ZNF609: variants seen among roughly 807,000 people sequenced by gnomAD.
ZNF609 encodes the protein zinc finger protein 609.
Under a neutral mutation model 109.5 loss-of-function variants are expected in ZNF609, and 11 were observed. That is an observed-to-expected ratio of 0.10 (90% CI 0.06 to 0.17). The LOEUF (loss-of-function observed/expected upper bound fraction) is 0.17. Ranked by LOEUF, ZNF609 falls within the 10% of genes least tolerant of loss-of-function variation. ZNF609 has a pLI of 1.00. For synonymous variants in ZNF609, 646 were observed against 662.0 expected (o/e 0.98, Z 0.37); for missense variants, 1,559 against 1,772.4 (o/e 0.88, Z 2.16).
chr15:64,666,666 C>A (rs1896653862), intron 3 of ZNF609, among the ~76,000 whole-genome samples: 1 of 151,798 alleles, frequency 6.6e-6, no homozygotes, highest in East Asian at 2.0e-4. Flanking sequence ...CGCCCACCAC[C>A]ACGCCCAGCT....
chr15:64,535,332 G>C (rs1894123735), intron 2 of ZNF609, among the ~76,000 whole-genome samples: 1 of 152,162 alleles, frequency 6.6e-6, no homozygotes, highest in Non-Finnish European at 1.5e-5. Flanking sequence ...TTACAGTCAT[G>C]AGCCTGGACA....
At chr15:64,488,099 A>G (rs902684571) in intron 1 of ZNF609, among the ~76,000 whole-genome samples, 5 of 152,342 alleles carry the variant, frequency 3.3e-5, no homozygotes, top group Non-Finnish European at 5.9e-5. Flanking sequence ...GGCTAGGAAT[A>G]CGCAGAAATG....
At chr15:64,522,070 A>G (rs1893899057) in intron 2 of ZNF609, among the ~76,000 whole-genome samples, 1 of 152,216 alleles carries the variant, frequency 6.6e-6, no homozygotes, top group Non-Finnish European at 1.5e-5. Context: ...GCAAAGCACA[A>G]GCATTGTTAT....
intron 1 of ZNF609, among the ~76,000 whole-genome samples, chr15:64,465,039 C>T (rs998123285): frequency 3.9e-5 from 6 of 151,974 alleles, no homozygotes; most frequent in African/African-American, 1.5e-4. Flanking sequence ...AGTAGCATGC[C>T]CTAGACATGG....
intron 2 of ZNF609, among the ~76,000 whole-genome samples, chr15:64,565,681 G>A (rs1894763945): frequency 6.6e-6 from 1 of 152,070 alleles, no homozygotes; most frequent in South Asian, 2.1e-4. Context: ...AGGGAGTTAG[G>A]AAGATTACTA....
chr15:64,542,429 CTG>C (rs1454674013), intron 2 of ZNF609, among the ~76,000 whole-genome samples: 1 of 152,188 alleles, frequency 6.6e-6, no homozygotes, highest in African/African-American at 2.4e-5. Flanking sequence ...TAAGATTTCT[CTG>C]TGTTATTTTC....
chr15:64,624,932 G>A (rs1243998593), intron 3 of ZNF609, among the ~76,000 whole-genome samples: 1 of 151,786 alleles, frequency 6.6e-6, no homozygotes, highest in African/African-American at 2.4e-5. Context: ...GTCCATTTTT[G>A]TATTTTTAGT....
intron 2 of ZNF609, among the ~76,000 whole-genome samples, chr15:64,532,378 GTTTTC>G (rs1894075134): frequency 6.6e-6 from 1 of 152,086 alleles, no homozygotes; most frequent in Non-Finnish European, 1.5e-5. Flanking sequence ...CAGAGATTTT[GTTTTC>G]TTTTGTTTTG....
At chr15:64,484,239 A>T (rs921333275) in intron 1 of ZNF609, among the ~76,000 whole-genome samples, 9 of 152,204 alleles carry the variant, frequency 5.9e-5, no homozygotes, top group Non-Finnish European at 1.3e-4. Flanking sequence ...AATTGTTGAG[A>T]TTATGCTTCA....
intron 1 of ZNF609, among the ~76,000 whole-genome samples, chr15:64,479,644 T>C (rs1893223031): frequency 6.6e-6 from 1 of 151,690 alleles, no homozygotes; most frequent in African/African-American, 2.4e-5. Context: ...CAGGGCTGGG[T>C]GTGGTGGTTC....
At position 64,577,034 on chromosome 15, in the gene ZNF609, G is replaced by A. The variant is rs12914515; in HGVS notation, c.748-45793G>A. Among the ~76,000 whole-genome samples the A allele has an allele frequency of 9.5e-4, 92 of 96,480 alleles. 39 individuals carry two copies. The highest frequency in any genetic ancestry group is 2.5e-3 in the East Asian group (9 of 3,656). 63.3% of individuals were successfully genotyped at this position (96,480 alleles called of 152,430 possible). A position where few individuals can be genotyped will look rare whatever the true frequency, so the allele number is the denominator to read the frequency against. On this transcript the variant is annotated intron_variant, in intron 2 of 9. Transcript: ENST00000326648. Reference sequence around the variant, plus strand: ...TATGTATACACATAAATATATATATGTATATATACACATAAATATATACAT... The same window carrying A: ...TATGTATACACATAAATATATATATATATATATACACATAAATATATACAT...
chr15:64,525,932 G>T (rs1206238395), intron 2 of ZNF609, among the ~76,000 whole-genome samples: 1 of 151,804 alleles, frequency 6.6e-6, no homozygotes, highest in Non-Finnish European at 1.5e-5. Flanking sequence ...GGGACTACAG[G>T]TGCACGCCAC....
At chr15:64,460,353 T>A (rs1002465498), upstream of ZNF609, among the ~76,000 whole-genome samples, 13 of 152,198 alleles carry the variant, frequency 8.5e-5, no homozygotes, top group Non-Finnish European at 1.9e-4. Context: ...CAGGTTTCTT[T>A]GAGTTTATCT....
intron 2 of ZNF609, among the ~76,000 whole-genome samples, chr15:64,509,630 G>A (rs886576395): frequency 2.0e-5 from 3 of 152,142 alleles, no homozygotes; most frequent in Non-Finnish European, 4.4e-5. Flanking sequence ...TGAAGTTTGG[G>A]GTTTTGTTGT....
At chr15:64,677,850 C>T (rs1469385842) in intron 5 of ZNF609, among the ~76,000 whole-genome samples, 1 of 152,202 alleles carries the variant, frequency 6.6e-6, no homozygotes, top group Non-Finnish European at 1.5e-5. Context: ...ACCTAGAAAA[C>T]ATCCACTGAT....
At chr15:64,560,455 C>A (rs1196085423) in intron 2 of ZNF609, among the ~76,000 whole-genome samples, 1 of 151,618 alleles carries the variant, frequency 6.6e-6, no homozygotes, top group Non-Finnish European at 1.5e-5. Flanking sequence ...TCATAGTCAT[C>A]TCTTACCCAG....
chr15:64,463,418 T>A (rs968107823), intron 1 of ZNF609, among the ~76,000 whole-genome samples: 1 of 149,974 alleles, frequency 6.7e-6, no homozygotes, highest in Admixed American at 6.6e-5. Context: ...AAAAAAAAAA[T>A]TTGGGGCCTG....
chr15:64,619,892 C>T (rs662142), intron 2 of ZNF609, among the ~76,000 whole-genome samples: 131,682 of 152,182 alleles, frequency 0.87, 58,261 homozygotes, highest in East Asian at 0.96. Flanking sequence ...TGGTGCAAAA[C>T]TGGGGACTTC....
At chr15:64,475,060 T>C (rs1230864816) in intron 1 of ZNF609, among the ~76,000 whole-genome samples, 1 of 151,082 alleles carries the variant, frequency 6.6e-6, no homozygotes, top group East Asian at 1.9e-4. Flanking sequence ...CCCAAATAGC[T>C]GAGATTACAG....
Sources: allele counts gnomAD v4.1 joint callset (sites outside exome capture counted in the v4.1 genomes callset), GRCh38; gene constraint gnomAD v4.1.1; transcripts MANE v1.5; gene names NCBI Gene and HGNC (gene_info 2026-07-23, HGNC 2026-07-21).